The following DPP6 variants were observed in gnomAD, a reference collection of about 807,000 sequenced individuals.
The protein encoded by DPP6 is dipeptidyl peptidase like 6.
In DPP6, 69 loss-of-function variants were observed where a neutral mutation model predicts 122.6. The ratio of observed to expected loss-of-function variants is 0.56; its 90% CI spans 0.46 to 0.69. DPP6 has a LOEUF of 0.69. Ranked by LOEUF, DPP6 falls within the 30% of genes least tolerant of loss-of-function variation. DPP6 has a pLI of 0.00. For missense variants in DPP6, 928 were observed against 1,116.9 expected (o/e 0.83, Z 2.41); for synonymous variants, 418 against 433.1 (o/e 0.97, Z 0.43).
At chr7:154,752,551 G>T (rs963158492) in intron 8 of DPP6, among the ~76,000 whole-genome samples, 11 of 152,330 alleles carry the variant, frequency 7.2e-5, no homozygotes, top group African/African-American at 2.4e-4. Flanking sequence ...CAGGAACCAG[G>T]AAGCTTGGAG....
intron 7 of DPP6, among the ~76,000 whole-genome samples, chr7:154,702,620 C>T (rs1168258547): frequency 6.6e-6 from 1 of 152,194 alleles, no homozygotes; most frequent in Non-Finnish European, 1.5e-5. Flanking sequence ...TAACTCTCTT[C>T]AATTCTGTGA....
the DPP6 span, among the ~76,000 whole-genome samples, chr7:153,808,694 G>A: frequency 1.3e-5 from 2 of 151,884 alleles, no homozygotes; most frequent in Admixed American, 1.3e-4. Context: ...ATTTCACTTG[G>A]TATAATGTTC....
Position 154,030,611 on chromosome 7 carries a change from C to T in DPP6, c.51+142877C>T, listed in dbSNP as rs1246728474. Among the ~76,000 whole-genome samples the T allele has an allele frequency of 2.0e-5, 3 of 152,192 alleles. No individual in the cohort carries two copies. The East Asian group carries it at 5.8e-4, about 29-fold the overall frequency. On this transcript the variant is annotated intron_variant, in intron 1 of 25. Coordinates refer to the DPP6 transcript ENST00000404039. ...AGGTGAGCGCATCTTTGCTTGCCTT[C>T]CACGTGACAGACCTGGACCTCAGTT...
At chr7:154,761,841 C>A (rs555863181) in intron 8 of DPP6, among the ~76,000 whole-genome samples, 1 of 152,228 alleles carries the variant, frequency 6.6e-6, no homozygotes, top group Admixed American at 6.5e-5. Context: ...ATGCTGTCAT[C>A]CCCTTCCCCC....
At chr7:153,872,981 C>A in the DPP6 span, among the ~76,000 whole-genome samples, 84 of 152,272 alleles carry the variant, frequency 5.5e-4, no homozygotes, top group African/African-American at 1.9e-3. Flanking sequence ...TGAAGCTGGG[C>A]AATTTATAAG....
intron 1 of DPP6, among the ~76,000 whole-genome samples, chr7:154,005,375 G>C (rs1256782277): frequency 6.6e-6 from 1 of 152,102 alleles, no homozygotes; most frequent in Non-Finnish European, 1.5e-5. Flanking sequence ...CACTAGTGCT[G>C]TTGGGAGCTC....
chr7:154,708,039 G>A (rs1211292845), intron 7 of DPP6, among the ~76,000 whole-genome samples: 1 of 152,134 alleles, frequency 6.6e-6, no homozygotes, highest in African/African-American at 2.4e-5. Context: ...AAGGGAAAAG[G>A]CCAAAATATA....
intron 5 of DPP6, among the ~76,000 whole-genome samples, chr7:154,637,446 C>T (rs924781572): frequency 2.0e-5 from 3 of 152,280 alleles, no homozygotes; most frequent in South Asian, 2.1e-4. Flanking sequence ...GAACTCTAGC[C>T]GTACATGGGT....
At chr7:154,770,871 G>A (rs542349517) in intron 9 of DPP6, among the ~76,000 whole-genome samples, 5 of 152,370 alleles carry the variant, frequency 3.3e-5, no homozygotes, top group East Asian at 3.9e-4. Context: ...GCCAGTGCCC[G>A]AGTATGGACA....
chr7:154,633,649 T>G (rs1007782775), intron 5 of DPP6, among the ~76,000 whole-genome samples: 15 of 152,266 alleles, frequency 9.9e-5, no homozygotes, highest in African/African-American at 3.1e-4. Context: ...GCTTTCTTAG[T>G]GCCTTTCTAG....
intron 5 of DPP6, among the ~76,000 whole-genome samples, chr7:154,612,115 G>C (rs1317694346): frequency 1.3e-5 from 2 of 152,176 alleles, no homozygotes; most frequent in Admixed American, 1.3e-4. Flanking sequence ...TTCCTCCAGA[G>C]ACCCTTGACA....
intron 1 of DPP6, among the ~76,000 whole-genome samples, chr7:154,061,305 G>A (rs1277710623): frequency 6.7e-6 from 1 of 148,464 alleles, no homozygotes; most frequent in Non-Finnish European, 1.5e-5. Context: ...TCTTCTGGCA[G>A]CCCCAGCCCT....
chr7:154,036,513 C>T (rs1171114091), intron 1 of DPP6, among the ~76,000 whole-genome samples: 1 of 150,590 alleles, frequency 6.6e-6, no homozygotes, highest in Non-Finnish European at 1.5e-5. Flanking sequence ...TTTTGTTGTA[C>T]CATTTGTGAA....
chr7:153,815,683 A>T, the DPP6 span, among the ~76,000 whole-genome samples: 1 of 152,160 alleles, frequency 6.6e-6, no homozygotes, highest in East Asian at 1.9e-4. Context: ...TCAGAAAAAG[A>T]TAACCTTGTA....
At chr7:154,637,620 T>A (rs978892255) in intron 5 of DPP6, among the ~76,000 whole-genome samples, 2 of 152,218 alleles carry the variant, frequency 1.3e-5, no homozygotes, top group African/African-American at 4.8e-5. Context: ...GGCTGCCCTA[T>A]AAACCATTGC....
At chr7:153,895,007 G>A (rs1349809833) in intron 1 of DPP6, among the ~76,000 whole-genome samples, 2 of 152,086 alleles carry the variant, frequency 1.3e-5, no homozygotes, top group Non-Finnish European at 2.9e-5. Flanking sequence ...AGAGAGAAAA[G>A]TAAATAGTCA....
intron 1 of DPP6, among the ~76,000 whole-genome samples, chr7:154,171,198 T>C (rs1389192983): frequency 6.6e-6 from 1 of 152,240 alleles, no homozygotes; most frequent in Non-Finnish European, 1.5e-5. Flanking sequence ...GGTAAAGGAT[T>C]GGGACAGATG....
chr7:154,123,056 G>A (rs1486162028), intron 1 of DPP6, among the ~76,000 whole-genome samples: 12 of 152,064 alleles, frequency 7.9e-5, no homozygotes, highest in South Asian at 2.1e-4. Flanking sequence ...TCAAAGGGTC[G>A]GACACCTGGA....
rs1795459574 is a variant in DPP6, at chr7:154,760,382, G to A, written c.884-9035G>A. ...GGAGGAAATTCAGTCCATGACATCA[G>A]CAAGCTCATTCTGCACAGACCCCAG... On this transcript the variant is annotated intron_variant, in intron 8 of 25. Coordinates refer to ENST00000377770, the MANE Select transcript of DPP6 (RefSeq NM_130797.4). The surrounding 1 kb of genome is among the most constrained non-coding windows in gnomAD (Gnocchi z 4.5). Among the ~76,000 whole-genome samples the A allele has an allele frequency of 6.6e-6, 1 of 152,042 alleles. No homozygotes were observed. The highest frequency in any genetic ancestry group is 2.4e-5 in the African/African-American group (1 of 41,394).
Sources: gnomAD v4.1 joint callset for allele counts (sites outside exome capture counted in the v4.1 genomes callset) on GRCh38, gnomAD v4.1.1 for gene constraint, Gnocchi (gnomAD v3.1) non-coding constraint, MANE v1.5 for transcripts, NCBI Gene and HGNC (gene_info 2026-07-23, HGNC 2026-07-21) for gene names.